Variants in CACNA2D1 observed in about 807,000 individuals in gnomAD.
CACNA2D1 encodes voltage-dependent calcium channel subunit alpha-2/delta-1.
A neutral mutation model predicts 171.5 loss-of-function variants in CACNA2D1; 53 were observed. The observed-to-expected ratio is 0.31, with a 90% CI of 0.25 to 0.39. The LOEUF is 0.39. Ranked by LOEUF, CACNA2D1 falls within the 10% of genes least tolerant of loss-of-function variation. CACNA2D1 has a pLI of 1.00. For missense variants in CACNA2D1, 903 were observed against 1,299.8 expected (o/e 0.69, Z 4.69); for synonymous variants, 442 against 443.1 (o/e 1.00, Z 0.03).
At chr7:82,284,523 G>T (rs1392406429) in intron 3 of CACNA2D1, among the ~76,000 whole-genome samples, 2 of 152,138 alleles carry the variant, frequency 1.3e-5, no homozygotes, top group Non-Finnish European at 1.5e-5. Flanking sequence ...AGTTCTGAAG[G>T]CTGGCAAGTT....
intron 12 of CACNA2D1, among the ~76,000 whole-genome samples, chr7:82,026,525 T>C (rs1345616214): frequency 3.3e-5 from 5 of 151,778 alleles, no homozygotes; most frequent in East Asian, 1.9e-4. Context: ...ATTTGAAAGA[T>C]AGTATTTCTG....
At chr7:81,959,225 C>G in intron 38 of CACNA2D1, 50 bp downstream of exon 38, 1 of 1,263,812 alleles carries the variant, frequency 7.9e-7, no homozygotes. Context: ...TTCTTGCGGA[C>G]AGTGACCATT....
intron 3 of CACNA2D1, among the ~76,000 whole-genome samples, chr7:82,227,125 A>T (rs2129268534): frequency 1.3e-5 from 2 of 152,338 alleles, no homozygotes; most frequent in Admixed American, 1.3e-4. Context: ...TATAAAGTTG[A>T]AAAATAAAAC....
At chr7:82,312,088 A>T (rs1366641172) in intron 3 of CACNA2D1, among the ~76,000 whole-genome samples, 2 of 152,176 alleles carry the variant, frequency 1.3e-5, no homozygotes, top group East Asian at 3.9e-4. Flanking sequence ...AAGTTACAGC[A>T]AAGTCAACTT....
intron 3 of CACNA2D1, among the ~76,000 whole-genome samples, chr7:82,220,124 G>A (rs1801586633): frequency 6.6e-6 from 1 of 152,056 alleles, no homozygotes; most frequent in Non-Finnish European, 1.5e-5. Flanking sequence ...AGGGCACGCA[G>A]CAAATCTTTA....
chr7:82,220,042 A>G (rs1172125905), intron 3 of CACNA2D1, among the ~76,000 whole-genome samples: 1 of 152,166 alleles, frequency 6.6e-6, no homozygotes, highest in Non-Finnish European at 1.5e-5. Flanking sequence ...TGACAACAGC[A>G]GAAGTCACAG....
chr7:82,342,631 T>C (rs1446736993), intron 2 of CACNA2D1, among the ~76,000 whole-genome samples: 1 of 152,108 alleles, frequency 6.6e-6, no homozygotes, highest in Non-Finnish European at 1.5e-5. Flanking sequence ...TGAGGAAGAA[T>C]ATGAGTGTTC....
chr7:82,260,986 A>G (rs2129331794), intron 3 of CACNA2D1, among the ~76,000 whole-genome samples: 1 of 150,392 alleles, frequency 6.6e-6, no homozygotes, highest in South Asian at 2.1e-4. Flanking sequence ...ACTGAGTCTC[A>G]CTCTATTGCC....
chr7:82,174,097 A>G (rs1446384858), intron 3 of CACNA2D1, among the ~76,000 whole-genome samples: 1 of 149,362 alleles, frequency 6.7e-6, no homozygotes, highest in Non-Finnish European at 1.5e-5. Context: ...AAATGTGAGT[A>G]TCTGCTCAAC....
intron 3 of CACNA2D1, among the ~76,000 whole-genome samples, chr7:82,184,861 A>G (rs1163085373): frequency 2.0e-5 from 3 of 152,206 alleles, no homozygotes; most frequent in Admixed American, 6.5e-5. Context: ...TATTTTCACT[A>G]CTTACTCTTT....
chr7:82,243,659 C>T (rs2129299661), intron 3 of CACNA2D1, among the ~76,000 whole-genome samples: 1 of 152,276 alleles, frequency 6.6e-6, no homozygotes, highest in African/African-American at 2.4e-5. Context: ...GATCCCCCTT[C>T]AGAGGTGAAC....
chr7:82,216,475 G>C (rs191775600), intron 3 of CACNA2D1, among the ~76,000 whole-genome samples: 1 of 151,978 alleles, frequency 6.6e-6, no homozygotes, highest in Non-Finnish European at 1.5e-5. Flanking sequence ...AAATCTTTCT[G>C]GACAGAGTAA....
At chr7:82,399,554 A>C (rs547616939) in intron 1 of CACNA2D1, among the ~76,000 whole-genome samples, 2 of 152,320 alleles carry the variant, frequency 1.3e-5, no homozygotes, top group South Asian at 2.1e-4. Flanking sequence ...AACAATGATG[A>C]AACATCGTTT....
chr7:82,035,983 C>T (rs1181136870), intron 11 of CACNA2D1, among the ~76,000 whole-genome samples: 3 of 152,108 alleles, frequency 2.0e-5, no homozygotes, highest in African/African-American at 7.2e-5. Context: ...GATTTTCTGT[C>T]TTCTTAATCT....
At chr7:81,996,563 G>A (rs1798067676) in intron 19 of CACNA2D1, among the ~76,000 whole-genome samples, 2 of 151,618 alleles carry the variant, frequency 1.3e-5, no homozygotes, top group African/African-American at 4.8e-5. Flanking sequence ...TGTATCATCA[G>A]TACAACAGAT....
intron 3 of CACNA2D1, among the ~76,000 whole-genome samples, chr7:82,273,589 GT>G (rs1350897784): frequency 1.3e-5 from 2 of 152,074 alleles, no homozygotes; most frequent in Non-Finnish European, 2.9e-5. Flanking sequence ...CTGGCCTCAA[GT>G]GATCCTCCTG....
intron 3 of CACNA2D1, among the ~76,000 whole-genome samples, chr7:82,195,053 T>A (rs1027294403): frequency 1.3e-5 from 2 of 152,058 alleles, no homozygotes; most frequent in African/African-American, 2.4e-5. Context: ...GACATATACT[T>A]AAAGTATCTT....
At chr7:82,153,351 C>G (rs185418104) in intron 4 of CACNA2D1, among the ~76,000 whole-genome samples, 41 of 151,990 alleles carry the variant, frequency 2.7e-4, no homozygotes, top group Middle Eastern at 3.4e-3. Flanking sequence ...AAACAGGAAA[C>G]TTGAAAGAAC....
chr7:82,388,654 T>C (rs549959452), intron 1 of CACNA2D1, among the ~76,000 whole-genome samples: 1 of 152,186 alleles, frequency 6.6e-6, no homozygotes, highest in Non-Finnish European at 1.5e-5. Context: ...AAAAAAAGTT[T>C]GCTTAAAGTT....
Sources: gnomAD v4.1 joint callset for allele counts (sites outside exome capture counted in the v4.1 genomes callset) on GRCh38, gnomAD v4.1.1 for gene constraint, MANE v1.5 for transcripts, NCBI Gene and HGNC (gene_info 2026-07-23, HGNC 2026-07-21) for gene names.